LRMDA: variants seen among roughly 807,000 people sequenced by gnomAD.
LRMDA encodes leucine rich melanocyte differentiation associated, also known as leucine-rich melanocyte differentiation-associated protein.
In LRMDA, 18 loss-of-function variants were observed where a neutral mutation model predicts 29.8. That is an observed-to-expected ratio of 0.60 (90% confidence interval 0.42 to 0.90). LRMDA has a LOEUF of 0.90. Among genes scored for constraint, LRMDA ranks in the 40% least tolerant of loss-of-function variants. The pLI is 0.00. For synonymous variants in LRMDA, 125 were observed against 109.4 expected (o/e 1.14, Z -0.89); for missense variants, 273 against 273.9 (o/e 1.00, Z 0.02).
intron 2 of LRMDA, among the ~76,000 whole-genome samples, chr10:75,963,610 A>C (rs569560760): frequency 2.8e-4 from 42 of 152,212 alleles, no homozygotes; most frequent in African/African-American, 9.9e-4. Context: ...TTGGGTTCCA[A>C]CCTCCACTTG....
intron 5 of LRMDA, among the ~76,000 whole-genome samples, chr10:76,115,509 A>G (rs564481624): frequency 1.8e-4 from 28 of 152,330 alleles, no homozygotes; most frequent in Middle Eastern, 3.4e-3. Flanking sequence ...CCTGAGACCT[A>G]CCCCTAGTGA....
intron 6 of LRMDA, among the ~76,000 whole-genome samples, chr10:76,530,408 G>A (rs995139125): frequency 6.6e-6 from 1 of 152,128 alleles, no homozygotes; most frequent in Admixed American, 6.5e-5. Flanking sequence ...AGGACTCAGG[G>A]ATTTGACTTT....
rs372086217 is a variant in LRMDA, at chr10:75,988,080, G to C, written c.132-47928G>C. 3.9e-5 allele frequency among the ~76,000 whole-genome samples: 6 copies of C among 152,330 alleles called. No individual in the cohort carries two copies. The East Asian group carries it at 7.7e-4, about 20-fold the overall frequency. ...TGACCTCTGTGTCACTTTCCATTCT[G>C]AAGCAGGAGGCACGATAGCTCCTCT... On this transcript the variant is annotated intron_variant, in intron 2 of 6. Transcript: ENST00000611255.
At chr10:75,989,978 G>T (rs1160446062) in intron 2 of LRMDA, among the ~76,000 whole-genome samples, 1 of 152,230 alleles carries the variant, frequency 6.6e-6, no homozygotes, top group African/African-American at 2.4e-5. Flanking sequence ...CAGACAGGCC[G>T]GCCTCCTTAG....
intron 5 of LRMDA, among the ~76,000 whole-genome samples, chr10:76,277,575 T>G (rs1050605355): frequency 1.3e-5 from 2 of 152,226 alleles, no homozygotes; most frequent in Non-Finnish European, 2.9e-5. Context: ...TTTTGCATGA[T>G]GTGCTTCTGT....
intron 2 of LRMDA, among the ~76,000 whole-genome samples, chr10:75,773,648 C>G (rs947385890): frequency 6.6e-6 from 1 of 152,222 alleles, no homozygotes; most frequent in East Asian, 1.9e-4. Flanking sequence ...TCAGCTCACA[C>G]TTCGCCCAGT....
Position 76,130,642 on chromosome 10 carries a change from T to C in LRMDA, c.516+71859T>C, listed in dbSNP as rs116091862. On this transcript the variant is annotated intron_variant, in intron 5 of 6. Transcript: ENST00000611255. ...TAATCTATCCTGTCTCCCTGCCTTC[T>C]GTGTCTACCCAGCTTAGCCTATCTT... Among the ~76,000 whole-genome samples, 563 of 152,292 alleles carry C rather than the reference T, an allele frequency of 3.7e-3. 5 individuals carry two copies. Among genetic ancestry groups the C allele is most frequent in the African/African-American group, 0.013 (533 of 41,566 alleles).
At chr10:75,966,678 G>A (rs1368000555) in intron 2 of LRMDA, among the ~76,000 whole-genome samples, 1 of 152,196 alleles carries the variant, frequency 6.6e-6, no homozygotes, top group Non-Finnish European at 1.5e-5. Context: ...AGGAGCAGTG[G>A]ACAAATACTT....
chr10:76,111,164 G>A (rs949745875), intron 5 of LRMDA, among the ~76,000 whole-genome samples: 1 of 152,158 alleles, frequency 6.6e-6, no homozygotes, highest in African/African-American at 2.4e-5. Flanking sequence ...GACCAGACCA[G>A]ATCCTGCTAT....
In LRMDA at chr10:76,098,210, A is replaced by G. The variant is rs553827491; in HGVS notation, c.516+39427A>G. On this transcript the variant is annotated intron_variant, in intron 5 of 6. Coordinates refer to ENST00000611255, the MANE Select transcript of LRMDA (RefSeq NM_001305581.2). The stretch of plus-strand genomic sequence containing the variant: ...GTGTTCCCTCCTATTTTCTAGAAGC[A>G]TTTGTGTAGAATTTGTATTATTCTC... Among the ~76,000 whole-genome samples, 5 of 152,278 alleles carry G rather than the reference A, an allele frequency of 3.3e-5. No individual in the cohort carries two copies. In the South Asian group the frequency reaches 1.0e-3, roughly 32 times the overall value.
intron 2 of LRMDA, among the ~76,000 whole-genome samples, chr10:76,000,888 C>T (rs78834635): frequency 1.4e-3 from 214 of 152,184 alleles, no homozygotes; most frequent in African/African-American, 4.6e-3. Flanking sequence ...CCTCCCTTCC[C>T]GCTTCTCCAC....
intron 2 of LRMDA, among the ~76,000 whole-genome samples, chr10:75,913,211 C>A (rs1332048948): frequency 6.6e-6 from 1 of 152,120 alleles, no homozygotes; most frequent in Non-Finnish European, 1.5e-5. Context: ...GTAATCCCAG[C>A]ACTTTGGGAG....
chr10:76,263,259 A>G (rs1463798400), intron 5 of LRMDA, among the ~76,000 whole-genome samples: 1 of 150,872 alleles, frequency 6.6e-6, no homozygotes, highest in South Asian at 2.1e-4. Context: ...CACAAAAGGA[A>G]CTTCTAACAA....
Position 75,575,261 on chromosome 10 carries a change from C to G in LRMDA, c.131+136767C>G, listed in dbSNP as rs535494768. 8.5e-5 allele frequency among the ~76,000 whole-genome samples: 13 copies of G among 152,210 alleles called. No individual in the cohort carries two copies. The East Asian group carries it at 9.6e-4, about 11-fold the overall frequency. On this transcript the variant is annotated intron_variant, in intron 2 of 6. Coordinates refer to ENST00000611255, the MANE Select transcript of LRMDA (RefSeq NM_001305581.2). ...AATATCCAAACCATATCATTCTGCC[C>G]CTGGCCCCTTCAAAATCTCATGTCC...
At chr10:76,124,294 C>T (rs1383617448) in intron 5 of LRMDA, among the ~76,000 whole-genome samples, 2 of 152,238 alleles carry the variant, frequency 1.3e-5, no homozygotes, top group African/African-American at 4.8e-5. Context: ...AACAAGACAA[C>T]GAGGTCCCCC....
chr10:75,618,372 CTCTCTCTCTCTATA>C (rs1410076445), intron 2 of LRMDA, among the ~76,000 whole-genome samples: 198 of 96,106 alleles, frequency 2.1e-3, no homozygotes, highest in African/African-American at 6.0e-3. Context: ...CTCTCTCTCT[CTCTCTCTCTCTATA>C]TATATATATA....
intron 2 of LRMDA, among the ~76,000 whole-genome samples, chr10:75,681,462 G>C (rs771931796): frequency 6.6e-6 from 1 of 152,098 alleles, no homozygotes; most frequent in Non-Finnish European, 1.5e-5. Context: ...CATCTAGGCC[G>C]GGTGGCTCTG....
At chr10:75,722,659 G>T (rs545380752) in intron 2 of LRMDA, among the ~76,000 whole-genome samples, 18 of 152,234 alleles carry the variant, frequency 1.2e-4, no homozygotes, top group African/African-American at 4.1e-4. Context: ...AGTATATGGC[G>T]GATCTGTTTT....
intron 5 of LRMDA, among the ~76,000 whole-genome samples, chr10:76,178,483 C>T (rs1265031181): frequency 2.0e-5 from 3 of 152,068 alleles, no homozygotes; most frequent in South Asian, 2.1e-4. Context: ...AAAGTGGGCA[C>T]GGGGAAGACA....
Sources: gnomAD v4.1 joint callset for allele counts (sites outside exome capture counted in the v4.1 genomes callset) on GRCh38, gnomAD v4.1.1 for gene constraint, MANE v1.5 for transcripts, NCBI Gene and HGNC (gene_info 2026-07-23, HGNC 2026-07-21) for gene names.